CLPB: variants seen among roughly 807,000 people sequenced by gnomAD.
CLPB encodes mitochondrial disaggregase.
In CLPB, 40 loss-of-function variants were observed where a neutral mutation model predicts 78.4. The observed-to-expected ratio is 0.51, with a 90% CI of 0.40 to 0.66. The LOEUF (loss-of-function observed/expected upper bound fraction) is 0.66. CLPB is among the 30% of genes least tolerant of loss of function. CLPB has a pLI of 0.00. For missense variants in CLPB, 780 were observed against 886.9 expected, an observed-to-expected ratio of 0.88 and a Z score of 1.53; for synonymous variants, 333 against 348.0, an observed-to-expected ratio of 0.96 and a Z score of 0.48.
At chr11:72,414,761 C>A (rs555665303) in intron 2 of CLPB, among the ~76,000 whole-genome samples, 2 of 152,200 alleles carry the variant, frequency 1.3e-5, no homozygotes, top group Non-Finnish European at 2.9e-5. Flanking sequence ...TACACAGGCT[C>A]AGGGAGCACA....
intron 2 of CLPB, among the ~76,000 whole-genome samples, chr11:72,421,713 G>C (rs1191158926): frequency 6.6e-6 from 1 of 152,188 alleles, no homozygotes; most frequent in Non-Finnish European, 1.5e-5. Flanking sequence ...CCTCTGCAGG[G>C]CTTCTGGGCA....
intron 6 of CLPB, among the ~76,000 whole-genome samples, chr11:72,320,736 CAG>C (rs1950029214): frequency 2.0e-5 from 3 of 152,000 alleles, no homozygotes; most frequent in Admixed American, 2.0e-4. Context: ...TTTTTTGAGA[CAG>C]AGTCTCACTC....
At chr11:72,370,871 C>T (rs1951028697) in intron 4 of CLPB, among the ~76,000 whole-genome samples, 1 of 152,160 alleles carries the variant, frequency 6.6e-6, no homozygotes, top group Admixed American at 6.5e-5. Flanking sequence ...GCAGTGCCCT[C>T]TCCTTTAGGA....
At chr11:72,408,325 G>A (rs934557851) in intron 2 of CLPB, 23 of 751,520 alleles carry the variant, frequency 3.1e-5, no homozygotes, top group African/African-American at 1.6e-4. Flanking sequence ...CAAGGTGGTC[G>A]TAAGGATTAA....
intron 5 of CLPB, among the ~76,000 whole-genome samples, chr11:72,342,042 G>A (rs1299317052): frequency 2.6e-5 from 4 of 152,202 alleles, no homozygotes; most frequent in Non-Finnish European, 4.4e-5. Flanking sequence ...GGGCTTGGTG[G>A]AAAGTGAGGG....
intron 2 of CLPB, among the ~76,000 whole-genome samples, chr11:72,423,069 C>A (rs1856258573): frequency 6.6e-6 from 1 of 152,138 alleles, no homozygotes; most frequent in African/African-American, 2.4e-5. Context: ...TCTAGTAAAC[C>A]AGTTTGGGCT....
intron 9 of CLPB, 77 bp from the exon 10 acceptor site, chr11:72,302,425 C>T: frequency 2.4e-6 from 3 of 1,237,258 alleles, no homozygotes; most frequent in East Asian, 2.3e-5. Flanking sequence ...GAGAGCACCT[C>T]AACTATCCCC....
chr11:72,299,320 G>T (rs1949613127), intron 11 of CLPB, among the ~76,000 whole-genome samples: 1 of 152,182 alleles, frequency 6.6e-6, no homozygotes, highest in African/African-American at 2.4e-5. Context: ...CGGCATCTTT[G>T]TAAAGTGAAA....
chr11:72,324,737 T>C (rs1001022164), intron 6 of CLPB, among the ~76,000 whole-genome samples: 1 of 152,068 alleles, frequency 6.6e-6, no homozygotes, highest in Non-Finnish European at 1.5e-5. Context: ...AAGCAGAGAA[T>C]GGGTTGAGTG....
At chr11:72,373,104 G>C in intron 4 of CLPB, 1 of 1,098,564 alleles carries the variant, frequency 9.1e-7, no homozygotes, top group Non-Finnish European at 1.4e-6. Context: ...GGCTGGTGGG[G>C]TTGTTCCAAG....
intron 2 of CLPB, among the ~76,000 whole-genome samples, chr11:72,425,615 T>C (rs1045433578): frequency 6.6e-6 from 1 of 152,164 alleles, no homozygotes; most frequent in African/African-American, 2.4e-5. Context: ...GCTGGACAGA[T>C]GGGCGACTGA....
rs1397608102 is a variant in CLPB at position 72,431,268 on chromosome 11, T to G, written c.404-905A>C. 1.6e-4 allele frequency among the ~76,000 whole-genome samples: 24 copies of G among 152,208 alleles called. 2 individuals carry two copies. On this transcript the variant is annotated intron_variant, in intron 1 of 15. Transcript: ENST00000538039. Reference sequence around the variant, plus strand: ...TCAATACCAGGTACATGGAGCCCTCTGTGCCCAGCCTGGTTCTGAGCTACA... The same window carrying G: ...TCAATACCAGGTACATGGAGCCCTCGGTGCCCAGCCTGGTTCTGAGCTACA...
intron 4 of CLPB, among the ~76,000 whole-genome samples, chr11:72,368,557 T>G (rs1007221416): frequency 1.3e-5 from 2 of 152,234 alleles, no homozygotes; most frequent in African/African-American, 4.8e-5. Flanking sequence ...AGCATCTTGA[T>G]TTCACTGATC....
At chr11:72,428,523 C>T (rs7932618) in intron 2 of CLPB, among the ~76,000 whole-genome samples, 92 of 152,354 alleles carry the variant, frequency 6.0e-4, no homozygotes, top group Admixed American at 3.1e-3. Context: ...GCAGGCCCAG[C>T]AGCCAGCCAG....
chr11:72,428,809 A>G (rs1302388324), intron 2 of CLPB: 1 of 152,250 alleles, frequency 6.6e-6, no homozygotes, highest in Non-Finnish European at 1.5e-5. Flanking sequence ...TACACCGTTA[A>G]GTTCAATTAC....
At chr11:72,307,416 T>C (rs1201184894) in intron 8 of CLPB, among the ~76,000 whole-genome samples, 162 bp from the exon 9 acceptor site, 1 of 151,548 alleles carries the variant, frequency 6.6e-6, no homozygotes, top group Non-Finnish European at 1.5e-5. Context: ...ACCTAGGGAG[T>C]TAATGGTGAA....
intron 2 of CLPB, among the ~76,000 whole-genome samples, chr11:72,428,007 C>A (rs932881493): frequency 6.6e-6 from 1 of 152,144 alleles, no homozygotes; most frequent in Non-Finnish European, 1.5e-5. Context: ...TTCCTTCTAG[C>A]AAGGATGGTC....
At chr11:72,415,690 T>G (rs1856001617) in intron 2 of CLPB, among the ~76,000 whole-genome samples, 1 of 152,196 alleles carries the variant, frequency 6.6e-6, no homozygotes, top group Non-Finnish European at 1.5e-5. Context: ...ATCAAAGGGT[T>G]ACAGGACAGA....
intron 5 of CLPB, among the ~76,000 whole-genome samples, chr11:72,352,263 T>C (rs563853117): frequency 6.6e-6 from 1 of 152,244 alleles, no homozygotes; most frequent in Non-Finnish European, 1.5e-5. Context: ...ATTCAGCTAC[T>C]GATAAACATT....
Sources: gnomAD v4.1 joint callset for allele counts (sites outside exome capture counted in the v4.1 genomes callset) on GRCh38, gnomAD v4.1.1 for gene constraint, MANE v1.5 for transcripts, NCBI Gene and HGNC (gene_info 2026-07-23, HGNC 2026-07-21) for gene names.